Variants in POFUT2 observed in about 807,000 individuals in gnomAD.
The protein encoded by POFUT2 is protein O-fucosyltransferase 2, also known as GDP-fucose protein O-fucosyltransferase 2.
POFUT2 carries 30 observed loss-of-function variants against 55.0 expected under a neutral mutation model. The ratio of observed to expected loss-of-function variants is 0.55; its 90% CI spans 0.41 to 0.74. The LOEUF (loss-of-function observed/expected upper bound fraction) is 0.74, where lower values mean the gene tolerates loss of function less well. POFUT2 is among the 30% of genes least tolerant of loss of function. The probability of loss-of-function intolerance (pLI) is 0.00; values close to 1 mark genes in which losing one functional copy is unlikely to be tolerated. For missense variants in POFUT2, 524 were observed against 562.6 expected, an observed-to-expected ratio of 0.93 and a Z score of 0.69; for synonymous variants, 267 against 231.1, an observed-to-expected ratio of 1.16 and a Z score of -1.41.
At position 45,267,750 on chromosome 21, in the gene POFUT2, C is replaced by A. The variant is rs1489159760; in HGVS notation, c.1013-37G>T. The A allele has an allele frequency of 1.3e-6, 2 of 1,588,152 alleles. No individual in the cohort carries two copies. The highest frequency in any genetic ancestry group is 1.7e-6 in the Non-Finnish European group (2 of 1,157,968). ...AAGGAGAGACCCTTTGAACCGGGAT[C>A]CTCCAGTAAGGACAGATACGTGACT... On this transcript the variant is annotated intron_variant, in intron 7 of 8. Coordinates refer to ENST00000349485, the MANE Select transcript of POFUT2 (RefSeq NM_133635.6). The surrounding 1 kb of genome is among the most constrained non-coding windows in gnomAD (Gnocchi z 4.4).
rs572756171 is a variant in POFUT2, at chr21:45,274,268, G to A, written c.831+2749C>T. ...ACAACCAAAAAAACCCACAAAACTT[G>A]ATCTCTACAAGGAAAATTACAAAAC... On this transcript the variant is annotated intron_variant, in intron 6 of 8. Transcript: ENST00000349485. Among the ~76,000 whole-genome samples the A allele has an allele frequency of 3.3e-5, 5 of 152,154 alleles. No individual in the cohort carries two copies. The East Asian group carries it at 9.7e-4, about 29-fold the overall frequency.
chr21:45,268,032 C>T (rs1312991798), intron 7 of POFUT2, among the ~76,000 whole-genome samples: 6 of 152,218 alleles, frequency 3.9e-5, no homozygotes, highest in Non-Finnish European at 5.9e-5. Context: ...CACGGTCTCC[C>T]TCTCATGCGG....
rs1349450515 is a variant in POFUT2, at chr21:45,285,104, G to A, written c.382+574C>T. On this transcript the variant is annotated intron_variant, in intron 2 of 8. Coordinates refer to ENST00000349485, the MANE Select transcript of POFUT2 (RefSeq NM_133635.6). The surrounding 1 kb of genome is among the most constrained non-coding windows in gnomAD (Gnocchi z 4.9). The stretch of plus-strand genomic sequence containing the variant: ...AGCCTGACTCAAAACTAACTCATTC[G>A]TCTTCAAGGCCTCTCAAGTGCAGCA... 1.3e-5 allele frequency among the ~76,000 whole-genome samples: 2 copies of A among 152,134 alleles called. No individual in the cohort carries two copies. Among genetic ancestry groups the A allele is most frequent in the Admixed American group, 6.5e-5 (1 of 15,278 alleles).
At chr21:45,272,548 C>G (rs2093228169) in intron 6 of POFUT2, among the ~76,000 whole-genome samples, 1 of 152,142 alleles carries the variant, frequency 6.6e-6, no homozygotes, top group African/African-American at 2.4e-5. Flanking sequence ...TACCCTGGAA[C>G]AAGTGGACTA....
At chr21:45,266,713 C>A in intron 8 of POFUT2, 4 of 1,000,706 alleles carry the variant, frequency 4.0e-6, no homozygotes, top group Non-Finnish European at 4.8e-6. Flanking sequence ...ACACACCATG[C>A]CCAGAACACC....
chr21:45,285,751 G>A lies in POFUT2; in HGVS notation c.309C>T (p.Pro103=). 1 of 1,613,874 alleles carries A rather than the reference G, an allele frequency of 6.2e-7. No individual in the cohort carries two copies. The highest frequency in any genetic ancestry group is 8.5e-7 in the Non-Finnish European group (1 of 1,180,010). Residue 103 remains proline (P), a synonymous_variant, in exon 2 of 9, where the codon CCC becomes CCT. Coordinates refer to ENST00000349485, the MANE Select transcript of POFUT2 (RefSeq NM_133635.6). This position sits in a 1 kb window ranked among gnomAD's most constrained non-coding sequence, Gnocchi z 4.9. ...TTGGAAGATCAAAAAACTCAGACCA[G>A]GGAATCCGGACCTGGTGGATGTCAG... is the stretch of plus-strand genomic sequence containing the variant. The part of the protein sequence containing the change: ...QSPDIHQVRI[P]WSEFFDLPSL...
In POFUT2 at chr21:45,264,985, G is replaced by A. The variant is rs1311418098; in HGVS notation, c.*497C>T. On this transcript the variant is annotated 3_prime_UTR_variant, in exon 9 of 9. Transcript: ENST00000349485. ...AGCCTCCTGCTGCGCGGAGGGCAAC[G>A]GAGAGATTCATGAGGCCCCTGGTCG... 3 of 153,114 alleles carry A rather than the reference G, an allele frequency of 2.0e-5. No homozygotes were observed. Among genetic ancestry groups the A allele is most frequent in the African/African-American group, 4.8e-5 (2 of 41,484 alleles). The allele number at this position is 153,114 out of a possible 1,614,324, so 9.5% of individuals were successfully genotyped here.
chr21:45,283,305 A>T, intron 3 of POFUT2, 78 bp downstream of exon 3: 1 of 534,822 alleles, frequency 1.9e-6, no homozygotes, highest in Non-Finnish European at 2.7e-6. Flanking sequence ...GGGGCGCCTG[A>T]GGCGGGGGGG....
At chr21:45,276,828 G>A (rs921478552) in intron 6 of POFUT2, among the ~76,000 whole-genome samples, 189 bp downstream of exon 6, 7 of 152,070 alleles carry the variant, frequency 4.6e-5, no homozygotes, top group African/African-American at 1.7e-4. Context: ...TGCACATGAC[G>A]AGGGCCCCAG....
chr21:45,267,786 C>G lies in POFUT2; in HGVS notation c.1013-73G>C. 1 of 1,341,782 alleles carries G rather than the reference C, an allele frequency of 7.5e-7. No individual in the cohort carries two copies. Among genetic ancestry groups the G allele is most frequent in the Non-Finnish European group, 1.1e-6 (1 of 947,342 alleles). 83.1% of individuals were successfully genotyped at this position (1,341,782 alleles called of 1,614,324 possible). ...GACAGATACGTGACTCTTTAGCAGA[C>G]AGACATGCGTACTTGGCTTCTGGTT... is the stretch of plus-strand genomic sequence containing the variant. On this transcript the variant is annotated intron_variant, in intron 7 of 8. Coordinates refer to ENST00000349485, the MANE Select transcript of POFUT2 (RefSeq NM_133635.6). The surrounding 1 kb of genome is among the most constrained non-coding windows in gnomAD (Gnocchi z 4.4).
intron 2 of POFUT2, among the ~76,000 whole-genome samples, chr21:45,283,750 A>C (rs57453799): frequency 0.13 from 19,487 of 152,090 alleles, 2,475 homozygotes; most frequent in African/African-American, 0.33. Context: ...TGGAGCTGGT[A>C]CCCGATTCCC....
chr21:45,276,236 TAAAA>T (rs562327104), intron 6 of POFUT2, among the ~76,000 whole-genome samples: 137 of 130,980 alleles, frequency 1.0e-3, no homozygotes, highest in Admixed American at 1.5e-3. Flanking sequence ...AAAATAAAAT[TAAAA>T]AGAATAAAAA....
rs2031248834 is a variant in POFUT2, at chr21:45,285,268, C to T, written c.382+410G>A. 1 of 253,928 alleles carries T rather than the reference C, an allele frequency of 3.9e-6. No individual in the cohort carries two copies. Among genetic ancestry groups the T allele is most frequent in the Admixed American group, 5.0e-5 (1 of 19,982 alleles). 15.7% of individuals were successfully genotyped at this position (253,928 alleles called of 1,614,324 possible). A position where few individuals can be genotyped will look rare whatever the true frequency, so the allele number is the denominator to read the frequency against. ...GCAACACAAAATTAAACGAGACAGA[C>T]CTTTATCCCTGGCGCTGCACTGAGA... On this transcript the variant is annotated intron_variant, in intron 2 of 8. Transcript: ENST00000349485. This position sits in a 1 kb window ranked among gnomAD's most constrained non-coding sequence, Gnocchi z 4.9.
At chr21:45,271,249 G>A (rs1344233999) in intron 6 of POFUT2, among the ~76,000 whole-genome samples, 2 of 151,974 alleles carry the variant, frequency 1.3e-5, no homozygotes, top group South Asian at 2.1e-4. Flanking sequence ...TTAAAGAAAC[G>A]AAATACACTG....
intron 1 of POFUT2, among the ~76,000 whole-genome samples, 198 bp from the exon 2 acceptor site, chr21:45,286,126 A>T (rs2031381738): frequency 1.3e-5 from 2 of 152,234 alleles, no homozygotes; most frequent in African/African-American, 4.8e-5. Flanking sequence ...AGACATGCTA[A>T]CATCGTTTTA....
At position 45,267,298 on chromosome 21, in the gene POFUT2, T is replaced by C; in HGVS notation, c.1136+292A>G. On this transcript the variant is annotated intron_variant, in intron 8 of 8. Coordinates refer to ENST00000349485, the MANE Select transcript of POFUT2 (RefSeq NM_133635.6). The surrounding 1 kb of genome is among the most constrained non-coding windows in gnomAD (Gnocchi z 4.4). The stretch of plus-strand genomic sequence containing the variant: ...GGCAGACAGGGGCAGAAACCGGGAA[T>C]GATGGGAAAATGCGACACAAGAAGA... 6.9e-7 allele frequency: 1 copy of C among 1,458,998 alleles called. No homozygotes were observed. Among genetic ancestry groups the C allele is most frequent in the Non-Finnish European group, 9.0e-7 (1 of 1,111,938 alleles). The allele number at this position is 1,458,998 out of a possible 1,614,324, so 90.4% of individuals were successfully genotyped here. A position where few individuals can be genotyped will look rare whatever the true frequency, so the allele number is the denominator to read the frequency against.
In POFUT2 at chr21:45,277,260, C is replaced by T; in HGVS notation, c.706-118G>A. The T allele has an allele frequency of 7.6e-7, 1 of 1,316,856 alleles. No individual in the cohort carries two copies. Among genetic ancestry groups the T allele is most frequent in the Non-Finnish European group, 1.0e-6 (1 of 969,344 alleles). The allele number at this position is 1,316,856 out of a possible 1,614,324, so 81.6% of individuals were successfully genotyped here. On this transcript the variant is annotated intron_variant, in intron 5 of 8. Transcript: ENST00000349485. The surrounding 1 kb of genome is among the most constrained non-coding windows in gnomAD (Gnocchi z 6.9). ...CCGCAGCTGGAACAAGCCCCTCAGA[C>T]ACGTCATCCACGGTCGCCTGAGAAG... is the stretch of plus-strand genomic sequence containing the variant.
chr21:45,269,984 C>T lies in POFUT2; in HGVS notation c.867G>A (p.Leu289=). The T allele has an allele frequency of 6.3e-7, 1 of 1,575,226 alleles. No homozygotes were observed. ...KLGSALGGPY[L]GVHLRRKDFI... The stretch of plus-strand genomic sequence containing the variant: ...AATCTTTTCTTCTCAGGTGGACTCC[C>T]AGGTAGGGGCCCCCTAGCGCGGAGC... Residue 289 remains leucine, a synonymous_variant, in exon 7 of 9, where the codon CTG becomes CTA. Coordinates refer to ENST00000349485, the MANE Select transcript of POFUT2 (RefSeq NM_133635.6).
rs573105295 is a variant in POFUT2 at position 45,277,484 on chromosome 21, C to T, written c.706-342G>A. The T allele has an allele frequency of 2.7e-5, 9 of 328,796 alleles. No homozygotes were observed. The highest frequency in any genetic ancestry group is 2.7e-4 in the South Asian group (9 of 32,922). 20.4% of individuals were successfully genotyped at this position (328,796 alleles called of 1,614,324 possible). On this transcript the variant is annotated intron_variant, in intron 5 of 8. Coordinates refer to ENST00000349485, the MANE Select transcript of POFUT2 (RefSeq NM_133635.6). The surrounding 1 kb of genome is among the most constrained non-coding windows in gnomAD (Gnocchi z 6.9). ...AGTCTCTCCCCAACTCGACTTCTAG[C>T]TTAGGCGGTTAGCACATCCTGCTTT...
Sources: allele counts gnomAD v4.1 joint callset (sites outside exome capture counted in the v4.1 genomes callset), GRCh38; gene constraint gnomAD v4.1.1; non-coding constraint Gnocchi (gnomAD v3.1); transcripts MANE v1.5; gene names NCBI Gene and HGNC (gene_info 2026-07-23, HGNC 2026-07-21).